SETX: variants seen among roughly 807,000 people sequenced by gnomAD.
SETX encodes senataxin.
A neutral mutation model predicts 227.2 loss-of-function variants in SETX; 90 were observed. That is an observed-to-expected ratio of 0.40 (90% CI 0.33 to 0.47). The LOEUF (loss-of-function observed/expected upper bound fraction) is 0.47. SETX is among the 20% of genes least tolerant of loss of function. SETX has a pLI of 0.91. For synonymous variants in SETX, 1,210 were observed against 1,113.2 expected, an observed-to-expected ratio of 1.09 and a Z score of -1.73; for missense variants, 3,052 against 3,181.5, an observed-to-expected ratio of 0.96 and a Z score of 0.98.
intron 10 of SETX, among the ~76,000 whole-genome samples, chr9:132,314,035 G>A (rs1845823750): frequency 1.3e-5 from 2 of 151,958 alleles, no homozygotes; most frequent in South Asian, 2.1e-4. Flanking sequence ...GGGTTCAAGC[G>A]ATTCTCCCGC....
At chr9:132,342,837 T>A in intron 4 of SETX, 38 bp from the exon 5 acceptor site, 5 of 1,421,626 alleles carry the variant, frequency 3.5e-6, no homozygotes, top group Non-Finnish European at 5.0e-6. Context: ...ATAAATCTTA[T>A]CACCTTATCA....
Position 132,264,974 on chromosome 9 carries a change from A to G in SETX, c.7299T>C (p.His2433=), listed in dbSNP as rs775807275. The G allele has an allele frequency of 1.2e-6, 2 of 1,613,850 alleles. No homozygotes were observed. The highest frequency in any genetic ancestry group is 1.7e-6 in the Non-Finnish European group (2 of 1,180,032). ...GHLRTLMENQ[H]WNQLIQDAQK... is the part of the protein sequence containing the mutation. Reference sequence around the variant, plus strand: ...GAGCATCCTGAATCAGCTGATTCCAATGCTGGTTTTCCTTGAAACAATGAG... The same window carrying G: ...GAGCATCCTGAATCAGCTGATTCCAGTGCTGGTTTTCCTTGAAACAATGAG... Residue 2433 remains histidine (H), a synonymous_variant, in exon 26 of 26, where the codon CAT becomes CAC. Coordinates refer to ENST00000224140, the MANE Select transcript of SETX (RefSeq NM_015046.7).
intron 2 of SETX, among the ~76,000 whole-genome samples, chr9:132,350,940 A>C (rs987721136): frequency 2.0e-5 from 3 of 152,220 alleles, no homozygotes; most frequent in Admixed American, 2.0e-4. Flanking sequence ...GCCGCAGAGT[A>C]CCGCCCTTTC....
At chr9:132,293,788 C>T (rs977581370) in intron 15 of SETX, among the ~76,000 whole-genome samples, 31 of 152,060 alleles carry the variant, frequency 2.0e-4, no homozygotes, top group Admixed American at 9.2e-4. Context: ...TTTGGGAGGC[C>T]GAGGCAGGCA....
chr9:132,296,815 C>A, intron 14 of SETX, 72 bp downstream of exon 14: 5 of 1,336,736 alleles, frequency 3.7e-6, no homozygotes, highest in Non-Finnish European at 5.4e-6. Flanking sequence ...TACTTATTTA[C>A]ATGTCAGTTA....
At chr9:132,350,455 T>G (rs1848545053) in intron 2 of SETX, among the ~76,000 whole-genome samples, 1 of 152,172 alleles carries the variant, frequency 6.6e-6, no homozygotes, top group African/African-American at 2.4e-5. Flanking sequence ...AAATTCAGAA[T>G]ACATAATCTT....
Position 132,272,053 on chromosome 9 carries a change from T to C in SETX, c.7101-245A>G, listed in dbSNP as rs149862021. On this transcript the variant is annotated intron_variant, in intron 23 of 25. Coordinates refer to ENST00000224140, the MANE Select transcript of SETX (RefSeq NM_015046.7). The stretch of plus-strand genomic sequence containing the variant: ...GCCCGCCACCATGCCCAGCTAATTT[T>C]TTGTATTTTTAGTAGAGACTGGGTT... Among the ~76,000 whole-genome samples, 1,128 of 152,070 alleles carry C rather than the reference T, an allele frequency of 7.4e-3. 13 individuals carry two copies. Among genetic ancestry groups the C allele is most frequent in the African/African-American group, 0.026 (1,075 of 41,490 alleles).
chr9:132,318,743 C>T (rs937593421), intron 10 of SETX, among the ~76,000 whole-genome samples: 2 of 152,154 alleles, frequency 1.3e-5, no homozygotes, highest in Non-Finnish European at 1.5e-5. Context: ...TCTAATGCTA[C>T]CCACTGCAGA....
Position 132,353,768 on chromosome 9 carries a change from A to C in SETX, c.-114-13T>G, listed in dbSNP as rs1287510195. 1 of 152,290 alleles carries C rather than the reference A, an allele frequency of 6.6e-6. No homozygotes were observed. The highest frequency in any genetic ancestry group is 2.4e-5 in the African/African-American group (1 of 41,464). The allele number at this position is 152,290 out of a possible 1,614,324, so 9.4% of individuals were successfully genotyped here. The stretch of plus-strand genomic sequence containing the variant: ...CAAAAGAACATTTCTGAAATTAAAA[A>C]ACAAAAAACGAAATTGGTAAGTGGC... On this transcript the variant is annotated splice_polypyrimidine_tract_variant and intron_variant, in intron 1 of 25. Coordinates refer to ENST00000224140, the MANE Select transcript of SETX (RefSeq NM_015046.7).
intron 15 of SETX, among the ~76,000 whole-genome samples, chr9:132,293,917 G>A (rs1035860548): frequency 1.3e-5 from 2 of 152,074 alleles, no homozygotes; most frequent in Non-Finnish European, 2.9e-5. Context: ...CCAGCTACTC[G>A]GGAGGCTGAG....
chr9:132,348,697 G>C (rs557789957), intron 3 of SETX, among the ~76,000 whole-genome samples: 1 of 151,804 alleles, frequency 6.6e-6, no homozygotes, highest in Non-Finnish European at 1.5e-5. Flanking sequence ...GGGCCAAACC[G>C]GAAGGATCAC....
At chr9:132,323,336 T>C (rs546802501) in intron 10 of SETX, among the ~76,000 whole-genome samples, 19 of 152,088 alleles carry the variant, frequency 1.2e-4, no homozygotes, top group African/African-American at 4.6e-4. Context: ...AATAAACATA[T>C]AAAACAATAA....
intron 10 of SETX, among the ~76,000 whole-genome samples, chr9:132,317,967 C>T (rs1014243060): frequency 6.6e-6 from 1 of 152,140 alleles, no homozygotes; most frequent in Non-Finnish European, 1.5e-5. Context: ...CTAAGAAAAT[C>T]TTGGTCTTAA....
intron 11 of SETX, among the ~76,000 whole-genome samples, chr9:132,301,883 C>G (rs1003052051): frequency 6.6e-6 from 1 of 152,208 alleles, no homozygotes; most frequent in African/African-American, 2.4e-5. Context: ...GAATAAAGTT[C>G]AGTACCAACT....
At chr9:132,356,287 C>G (rs1232498806), upstream of SETX, among the ~76,000 whole-genome samples, 1 of 152,104 alleles carries the variant, frequency 6.6e-6, no homozygotes, top group Non-Finnish European at 1.5e-5. Flanking sequence ...ACTGCAACCT[C>G]CGCCTCCTGG....
In SETX at chr9:132,288,338, A is replaced by G. The variant is rs199720371; in HGVS notation, c.6222T>C (p.Pro2074=). 6.2e-7 allele frequency: 1 copy of G among 1,612,614 alleles called. No individual in the cohort carries two copies. Among genetic ancestry groups the G allele is most frequent in the Admixed American group, 1.7e-5 (1 of 60,018 alleles). Residue 2074 remains proline, a synonymous_variant, in exon 17 of 26, where the codon CCT becomes CCC. Coordinates refer to ENST00000224140, the MANE Select transcript of SETX (RefSeq NM_015046.7). ...TTTTATGCATCGCCTGAACATGAGA[A>G]GGTAACTCTTTTTCTAATAAAAATA... ...QVNHRMKKEL[P]SHVQAMHKRK... is the part of the protein sequence containing the mutation.
upstream of SETX, among the ~76,000 whole-genome samples, chr9:132,356,684 G>A (rs940557948): frequency 2.6e-5 from 4 of 152,154 alleles, no homozygotes; most frequent in Admixed American, 2.6e-4. Context: ...GGAGAACCCT[G>A]GCCCGAGGAT....
At chr9:132,326,123 A>G (rs1186997523) in intron 10 of SETX, among the ~76,000 whole-genome samples, 1 of 151,708 alleles carries the variant, frequency 6.6e-6, no homozygotes, top group African/African-American at 2.4e-5. Context: ...GTTGGAGTGC[A>G]GTGGCGCGAC....
At chr9:132,325,556 G>A (rs991144566) in intron 10 of SETX, among the ~76,000 whole-genome samples, 2 of 152,120 alleles carry the variant, frequency 1.3e-5, no homozygotes, top group South Asian at 2.1e-4. Flanking sequence ...TTACCCGTGC[G>A]TCAATAAACA....
Sources: allele counts gnomAD v4.1 joint callset (sites outside exome capture counted in the v4.1 genomes callset), GRCh38; gene constraint gnomAD v4.1.1; transcripts MANE v1.5; gene names NCBI Gene and HGNC (gene_info 2026-07-23, HGNC 2026-07-21).